CCDC102B: variants seen among roughly 807,000 people sequenced by gnomAD.
CCDC102B encodes coiled-coil domain-containing protein 102B.
Under a neutral mutation model 57.4 loss-of-function variants are expected in CCDC102B, and 75 were observed. The observed-to-expected ratio is 1.31, with a 90% confidence interval of 1.08 to 1.58. The LOEUF is 1.58. Ranked by LOEUF, CCDC102B falls within the 40% of genes most tolerant of loss-of-function variation. The pLI is 0.00. For synonymous variants in CCDC102B, 206 were observed against 201.9 expected (o/e 1.02, Z -0.17); for missense variants, 636 against 582.6 (o/e 1.09, Z -0.94).
intron 1 of CCDC102B, among the ~76,000 whole-genome samples, chr18:68,832,653 C>A (rs12327073): frequency 1.1e-4 from 15 of 141,676 alleles, no homozygotes; most frequent in Non-Finnish European, 1.7e-4. Context: ...ACTGTGTCCT[C>A]TCCCTTGGAT....
At chr18:69,043,792 C>T (rs1026220013) in intron 7 of CCDC102B, among the ~76,000 whole-genome samples, 1 of 152,050 alleles carries the variant, frequency 6.6e-6, no homozygotes, top group Non-Finnish European at 1.5e-5. Flanking sequence ...GACACAGTAA[C>T]AATCTGATCT....
chr18:68,835,424 G>A (rs1014093235), intron 1 of CCDC102B, among the ~76,000 whole-genome samples: 1 of 152,222 alleles, frequency 6.6e-6, no homozygotes, highest in South Asian at 2.1e-4. Flanking sequence ...GCACATATTT[G>A]TTATAATGTG....
chr18:68,718,650 T>G (rs1474006423), intron 2 of CCDC102B, among the ~76,000 whole-genome samples: 2 of 152,220 alleles, frequency 1.3e-5, no homozygotes, highest in Non-Finnish European at 2.9e-5. Context: ...ACATTTATGT[T>G]TTTTAATGGA....
In CCDC102B at chr18:68,991,123, C is replaced by CTTTTT. The variant is rs11368924; in HGVS notation, c.1264-19800_1264-19796dup. On this transcript the variant is annotated intron_variant, in intron 6 of 7. Transcript: ENST00000360242. ...GTTGTCACCTATATTGGCCCTTCTG[C>CTTTTT]TTTTTTTTTTTTTTTCTTAAATAAA... 1.0e-4 allele frequency among the ~76,000 whole-genome samples: 14 copies of CTTTTT among 136,262 alleles called. 1 individual carries two copies. Among genetic ancestry groups the CTTTTT allele is most frequent in the Non-Finnish European group, 1.7e-4 (11 of 65,302 alleles). 89.4% of individuals were successfully genotyped at this position (136,262 alleles called of 152,430 possible).
At chr18:69,012,647 C>T (rs1419719960) in intron 7 of CCDC102B, among the ~76,000 whole-genome samples, 2 of 151,804 alleles carry the variant, frequency 1.3e-5, no homozygotes, top group Non-Finnish European at 2.9e-5. Flanking sequence ...TTTACATATA[C>T]ATCTTTTCTG....
At chr18:68,886,765 A>G (rs1486676958) in intron 5 of CCDC102B, among the ~76,000 whole-genome samples, 1 of 151,800 alleles carries the variant, frequency 6.6e-6, no homozygotes, top group Non-Finnish European at 1.5e-5. Context: ...TGTTTATTCC[A>G]TGCATCTAGT....
intron 6 of CCDC102B, among the ~76,000 whole-genome samples, chr18:68,968,424 A>G (rs1332052059): frequency 1.3e-5 from 2 of 152,168 alleles, no homozygotes; most frequent in Non-Finnish European, 2.9e-5. Context: ...GAAATCCCAG[A>G]CACCCTTCAC....
intron 7 of CCDC102B, among the ~76,000 whole-genome samples, chr18:69,045,478 A>G (rs73453796): frequency 0.018 from 2,669 of 152,270 alleles, 84 homozygotes; most frequent in African/African-American, 0.06. Context: ...ATGCAAAAAC[A>G]GAAATACTGA....
At chr18:68,966,203 A>T (rs958653860) in intron 6 of CCDC102B, among the ~76,000 whole-genome samples, 9 of 152,038 alleles carry the variant, frequency 5.9e-5, no homozygotes, top group Non-Finnish European at 1.2e-4. Context: ...CTTCAAGTTT[A>T]TGATTCTTTT....
rs188656806 is a variant in CCDC102B at position 68,729,302 on chromosome 18, C to T, written c.-67+12708C>T. Reference sequence around the variant, plus strand: ...ATTATCTATCGATTCAATGAAATTTCAATGACAATTTTAAGAAGTCTTTTT... The same window carrying T: ...ATTATCTATCGATTCAATGAAATTTTAATGACAATTTTAAGAAGTCTTTTT... On this transcript the variant is annotated intron_variant, in intron 2 of 3. Transcript: ENST00000578970. 1.6e-4 allele frequency among the ~76,000 whole-genome samples: 24 copies of T among 152,246 alleles called. No homozygotes were observed. In the East Asian group the frequency reaches 3.3e-3, roughly 21 times the overall value.
At chr18:68,898,656 T>G (rs2040326082) in intron 6 of CCDC102B, among the ~76,000 whole-genome samples, 1 of 152,136 alleles carries the variant, frequency 6.6e-6, no homozygotes, top group East Asian at 1.9e-4. Flanking sequence ...TTCGTATTAT[T>G]CTCTGTGTCA....
chr18:68,960,735 A>T (rs1258453207), intron 6 of CCDC102B, among the ~76,000 whole-genome samples: 1 of 152,200 alleles, frequency 6.6e-6, no homozygotes, highest in Non-Finnish European at 1.5e-5. Flanking sequence ...CTAAATGCTC[A>T]TTCTGTGAGC....
intron 6 of CCDC102B, among the ~76,000 whole-genome samples, chr18:68,903,057 A>C (rs534117706): frequency 6.6e-6 from 1 of 152,368 alleles, no homozygotes; most frequent in East Asian, 1.9e-4. Flanking sequence ...GTACTAAAAA[A>C]TAAAGGTAAA....
chr18:68,841,128 A>G (rs1457560472), intron 3 of CCDC102B, among the ~76,000 whole-genome samples: 2 of 152,208 alleles, frequency 1.3e-5, no homozygotes, highest in East Asian at 3.8e-4. Context: ...CCAAGAATAT[A>G]GGATATGCTA....
At chr18:68,780,864 T>A (rs904534710) in intron 2 of CCDC102B, among the ~76,000 whole-genome samples, 19 of 152,034 alleles carry the variant, frequency 1.2e-4, no homozygotes, top group African/African-American at 4.6e-4. Context: ...GAGAATGAAA[T>A]CAGTGTCAGA....
rs151064634 is a variant in CCDC102B, at chr18:68,838,751, A to T, written c.652A>T (p.Lys218Ter). 8 of 1,614,038 alleles carry T rather than the reference A, an allele frequency of 5.0e-6. No homozygotes were observed. The East Asian group carries it at 1.8e-4, about 36-fold the overall frequency. The change falls in exon 3 of 8, where the codon AAG becomes TAG. Residue 218 changes from lysine (K) to a stop codon, truncating the protein, a stop_gained. Coordinates refer to ENST00000360242, the MANE Select transcript of CCDC102B (RefSeq NM_024781.3). LOFTEE classifies it high-confidence loss of function. ...IDSLKLSEEMKPNLDGVDLFN... is the reference protein window; with the variant it reads ...IDSLKLSEEM ...TTCTCTAAAATTAAGTGAGGAGATG[A>T]AGCCCAATCTAGATGGTGTTGATTT...
chr18:68,900,015 G>C (rs774443030), intron 6 of CCDC102B: 1 of 152,056 alleles, frequency 6.6e-6, no homozygotes, highest in Non-Finnish European at 1.5e-5. Flanking sequence ...AACTTTTAAA[G>C]GATAGATTGG....
intron 2 of CCDC102B, among the ~76,000 whole-genome samples, chr18:68,769,433 G>A (rs955845080): frequency 2.5e-4 from 38 of 152,150 alleles, no homozygotes; most frequent in African/African-American, 8.7e-4. Flanking sequence ...GGGGGTTAGA[G>A]GTTCAACATA....
chr18:68,946,882 G>A (rs1204148534), intron 6 of CCDC102B, among the ~76,000 whole-genome samples: 2 of 151,914 alleles, frequency 1.3e-5, no homozygotes. Flanking sequence ...GAATAATGCT[G>A]CAGGCCCTTG....
Sources: gnomAD v4.1 joint callset for allele counts (sites outside exome capture counted in the v4.1 genomes callset) on GRCh38, gnomAD v4.1.1 for gene constraint, MANE v1.5 for transcripts, NCBI Gene and HGNC (gene_info 2026-07-23, HGNC 2026-07-21) for gene names.